The following ZNF521 variants were observed in gnomAD, a reference collection of about 807,000 sequenced individuals.
The protein encoded by ZNF521 is zinc finger protein 521, also known as LYST-interacting protein 3.
ZNF521 carries 14 observed loss-of-function variants against 105.5 expected under a neutral mutation model. The observed-to-expected ratio is 0.13, with a 90% CI of 0.09 to 0.21. The LOEUF is 0.21. Ranked by LOEUF, ZNF521 falls within the 10% of genes least tolerant of loss-of-function variation. The pLI is 1.00. For synonymous variants in ZNF521, 635 were observed against 606.0 expected (o/e 1.05, Z -0.70); for missense variants, 1,233 against 1,629.7 (o/e 0.76, Z 4.19).
intron 3 of ZNF521, among the ~76,000 whole-genome samples, chr18:25,267,756 C>T (rs1214179747): frequency 6.6e-6 from 1 of 152,140 alleles, no homozygotes; most frequent in Non-Finnish European, 1.5e-5. Context: ...AGGATGTCCA[C>T]TCAGAGACCC....
intron 3 of ZNF521, among the ~76,000 whole-genome samples, chr18:25,288,995 TCTC>T (rs1431925534): frequency 6.6e-6 from 1 of 152,220 alleles, no homozygotes; most frequent in Non-Finnish European, 1.5e-5. Flanking sequence ...TAACTTTCCT[TCTC>T]CTTAGAATAA....
intron 5 of ZNF521, among the ~76,000 whole-genome samples, chr18:25,191,018 G>C (rs905745511): frequency 6.6e-6 from 1 of 152,112 alleles, no homozygotes; most frequent in South Asian, 2.1e-4. Flanking sequence ...GCTTTTCTAA[G>C]AGACAAACAT....
In ZNF521 at chr18:25,294,475, T is replaced by C. The variant is rs181014680; in HGVS notation, c.220+27533A>G. 7.5e-3 allele frequency among the ~76,000 whole-genome samples: 1,142 copies of C among 152,332 alleles called. 9 individuals carry two copies. The highest frequency in any genetic ancestry group is 0.011 in the Non-Finnish European group (719 of 68,020). The stretch of plus-strand genomic sequence containing the variant: ...AGACACTAGTAGCAAACTCTGTTTT[T>C]CACCATGTGCAAATTACAGTCAAAT... On this transcript the variant is annotated intron_variant, in intron 3 of 7. Coordinates refer to ENST00000361524, the MANE Select transcript of ZNF521 (RefSeq NM_015461.3).
Position 25,229,539 on chromosome 18 carries a change from A to C in ZNF521, c.221-1842T>G, listed in dbSNP as rs371293068. 8.7e-3 allele frequency among the ~76,000 whole-genome samples: 546 copies of C among 62,948 alleles called. 4 individuals are homozygous for C. Among genetic ancestry groups the C allele is most frequent in the African/African-American group, 0.049 (533 of 10,876 alleles). 41.3% of individuals were successfully genotyped at this position (62,948 alleles called of 152,430 possible). A position where few individuals can be genotyped will look rare whatever the true frequency, so the allele number is the denominator to read the frequency against. Reference sequence around the variant, plus strand: ...AACTCAACTCACCACTCAACATACAAAAAAAAAAATTTAACTAAAAGCAAA... The same window carrying C: ...AACTCAACTCACCACTCAACATACACAAAAAAAAATTTAACTAAAAGCAAA... On this transcript the variant is annotated intron_variant, in intron 3 of 7. Transcript: ENST00000361524.
At chr18:25,064,152 T>C (rs1339567582) in intron 7 of ZNF521, among the ~76,000 whole-genome samples, 4 of 152,224 alleles carry the variant, frequency 2.6e-5, no homozygotes, top group African/African-American at 9.6e-5. Context: ...CAAGGGCTAC[T>C]GGAGAGGAAG....
chr18:25,064,748 C>T (rs925002182), intron 7 of ZNF521, among the ~76,000 whole-genome samples: 2 of 152,066 alleles, frequency 1.3e-5, no homozygotes, highest in African/African-American at 2.4e-5. Context: ...CAGAAGTTGG[C>T]GGGGGGCTGG....
intron 4 of ZNF521, among the ~76,000 whole-genome samples, chr18:25,204,938 G>A (rs992661872): frequency 4.6e-5 from 7 of 151,994 alleles, no homozygotes; most frequent in African/African-American, 1.7e-4. Context: ...TTTCCACAGA[G>A]TAGGCAGTCA....
chr18:25,102,514 T>C (rs181202485), intron 5 of ZNF521, among the ~76,000 whole-genome samples: 2 of 151,790 alleles, frequency 1.3e-5, no homozygotes, highest in East Asian at 1.9e-4. Flanking sequence ...AGACTATATA[T>C]ATATATAGTT....
At chr18:25,297,763 A>C (rs1243945834) in intron 3 of ZNF521, among the ~76,000 whole-genome samples, 1 of 152,190 alleles carries the variant, frequency 6.6e-6, no homozygotes, top group Non-Finnish European at 1.5e-5. Flanking sequence ...TTATCAGATA[A>C]AAACTCTGTT....
At chr18:25,324,328 A>G (rs1292323111) in intron 2 of ZNF521, among the ~76,000 whole-genome samples, 1 of 152,068 alleles carries the variant, frequency 6.6e-6, no homozygotes, top group Non-Finnish European at 1.5e-5. Flanking sequence ...ACATTTTCCA[A>G]AGCTGATACT....
intron 2 of ZNF521, among the ~76,000 whole-genome samples, chr18:25,340,770 C>G (rs1182646902): frequency 1.3e-5 from 2 of 152,094 alleles, no homozygotes; most frequent in Non-Finnish European, 2.9e-5. Context: ...AAGGACTCTC[C>G]TAGCCTAGGG....
chr18:25,235,798 CA>C (rs1295392442), intron 3 of ZNF521, among the ~76,000 whole-genome samples: 1 of 152,158 alleles, frequency 6.6e-6, no homozygotes, highest in Non-Finnish European at 1.5e-5. Flanking sequence ...CTAGAGAATA[CA>C]AAAGTGCTGA....
chr18:25,284,910 GCACACA>G (rs45525437), intron 3 of ZNF521, among the ~76,000 whole-genome samples: 2 of 148,602 alleles, frequency 1.3e-5, no homozygotes, highest in East Asian at 2.0e-4. Flanking sequence ...GTGCGCGCGC[GCACACA>G]CACACACACA....
At chr18:25,148,726 A>T (rs1394171138) in intron 5 of ZNF521, among the ~76,000 whole-genome samples, 1 of 152,108 alleles carries the variant, frequency 6.6e-6, no homozygotes, top group Non-Finnish European at 1.5e-5. Flanking sequence ...ATTGGTTTTC[A>T]GAGCATTCGA....
At chr18:25,067,455 G>A (rs890196536) in intron 7 of ZNF521, among the ~76,000 whole-genome samples, 1 of 152,080 alleles carries the variant, frequency 6.6e-6, no homozygotes, top group African/African-American at 2.4e-5. Flanking sequence ...TACAAGACTG[G>A]AATTCTCATT....
intron 5 of ZNF521, among the ~76,000 whole-genome samples, chr18:25,125,686 G>C (rs1431036214): frequency 6.6e-6 from 1 of 150,604 alleles, no homozygotes; most frequent in African/African-American, 2.4e-5. Context: ...ACTTTCTCTA[G>C]GGAATTTCTC....
intron 7 of ZNF521, among the ~76,000 whole-genome samples, chr18:25,069,599 A>C (rs78468248): frequency 6.6e-6 from 1 of 152,176 alleles, no homozygotes; most frequent in Non-Finnish European, 1.5e-5. Flanking sequence ...TTGTGTTTTT[A>C]TGGACCTTAC....
At chr18:25,255,296 T>A (rs1000060136) in intron 3 of ZNF521, among the ~76,000 whole-genome samples, 1 of 152,144 alleles carries the variant, frequency 6.6e-6, no homozygotes, top group Admixed American at 6.6e-5. Context: ...CTGGAAACAA[T>A]TGAGAATTTT....
chr18:25,065,062 T>C (rs930164104), intron 7 of ZNF521, among the ~76,000 whole-genome samples: 1 of 152,186 alleles, frequency 6.6e-6, no homozygotes, highest in Admixed American at 6.5e-5. Context: ...AAAATCAACA[T>C]GATTCTGTTC....
Sources: gnomAD v4.1 joint callset for allele counts (sites outside exome capture counted in the v4.1 genomes callset) on GRCh38, gnomAD v4.1.1 for gene constraint, MANE v1.5 for transcripts, NCBI Gene and HGNC (gene_info 2026-07-23, HGNC 2026-07-21) for gene names.